ROBO2: variants seen among roughly 807,000 people sequenced by gnomAD.
ROBO2 encodes roundabout guidance receptor 2, also known as roundabout homolog 2.
A neutral mutation model predicts 160.8 loss-of-function variants in ROBO2; 53 were observed. The observed-to-expected ratio is 0.33, with a 90% CI of 0.26 to 0.41. ROBO2 has a LOEUF of 0.41. Ranked by LOEUF, ROBO2 falls within the 10% of genes least tolerant of loss-of-function variation. The pLI, the probability that ROBO2 is intolerant of heterozygous loss-of-function variation, is 1.00. For synonymous variants in ROBO2, 664 were observed against 611.7 expected (o/e 1.09, Z -1.26); for missense variants, 1,577 against 1,722.4 (o/e 0.92, Z 1.49).
chr3:76,711,402 C>T (rs555810534), intron 2 of ROBO2, among the ~76,000 whole-genome samples: 218 of 152,252 alleles, frequency 1.4e-3, no homozygotes, highest in African/African-American at 4.9e-3. Context: ...GGGATTACAA[C>T]GAAACGTGAG....
chr3:77,565,529 G>C (rs183824595), intron 12 of ROBO2, among the ~76,000 whole-genome samples: 1 of 151,992 alleles, frequency 6.6e-6, no homozygotes, highest in Non-Finnish European at 1.5e-5. Flanking sequence ...TAGTGCAGTC[G>C]TTCTCACAGT....
chr3:76,682,623 G>A (rs1349641662), intron 2 of ROBO2, among the ~76,000 whole-genome samples: 1 of 152,062 alleles, frequency 6.6e-6, no homozygotes, highest in Admixed American at 6.6e-5. Flanking sequence ...GGCCAGGCTG[G>A]TCTTGAACTC....
chr3:76,630,830 T>C (rs2089987445), intron 2 of ROBO2, among the ~76,000 whole-genome samples: 1 of 152,218 alleles, frequency 6.6e-6, no homozygotes, highest in Non-Finnish European at 1.5e-5. Flanking sequence ...CTATTATGTA[T>C]TTCTTAAACC....
At chr3:77,443,466 G>A (rs1376660518) in intron 2 of ROBO2, among the ~76,000 whole-genome samples, 1 of 151,988 alleles carries the variant, frequency 6.6e-6, no homozygotes, top group African/African-American at 2.4e-5. Context: ...TGCAGTTCTA[G>A]TATATTTTAT....
chr3:77,609,814 A>ATATG (rs1309133909), intron 21 of ROBO2, among the ~76,000 whole-genome samples: 88 of 147,626 alleles, frequency 6.0e-4, no homozygotes, highest in African/African-American at 2.1e-3. Context: ...ATATATATTT[A>ATATG]TATGTATGTA....
chr3:77,617,733 T>C, exon 22 of ROBO2: 1 of 1,613,792 alleles, frequency 6.2e-7, no homozygotes, highest in Middle Eastern at 1.7e-4. Context: ...CCTGGATGAG[T>C]TGACAAGAGC....
intron 13 of ROBO2, among the ~76,000 whole-genome samples, chr3:77,570,123 TA>T (rs1361702764): frequency 1.3e-5 from 2 of 151,962 alleles, no homozygotes; most frequent in Non-Finnish European, 2.9e-5. Context: ...CACAGCGTAG[TA>T]GTTTTCCTCA....
chr3:77,189,718 C>A (rs560996167), intron 2 of ROBO2, among the ~76,000 whole-genome samples: 12 of 151,822 alleles, frequency 7.9e-5, no homozygotes, highest in Non-Finnish European at 1.3e-4. Flanking sequence ...ATTTTAGAGG[C>A]AAAAACTATT....
chr3:76,620,263 C>T (rs888241223), intron 2 of ROBO2, among the ~76,000 whole-genome samples: 5 of 152,094 alleles, frequency 3.3e-5, no homozygotes, highest in African/African-American at 1.2e-4. Context: ...TCTCATGAAA[C>T]ATTAATGTAC....
At chr3:76,687,205 C>T (rs2092703692) in intron 2 of ROBO2, among the ~76,000 whole-genome samples, 1 of 152,012 alleles carries the variant, frequency 6.6e-6, no homozygotes, top group Non-Finnish European at 1.5e-5. Flanking sequence ...GCACAGAGGT[C>T]AATAATACAG....
chr3:77,474,194 T>C (rs1301120998), intron 2 of ROBO2, among the ~76,000 whole-genome samples: 1 of 152,174 alleles, frequency 6.6e-6, no homozygotes, highest in African/African-American at 2.4e-5. Context: ...TTCTTTAAGG[T>C]TATTGAATCC....
At chr3:76,555,421 GA>G (rs2083708878) in intron 2 of ROBO2, among the ~76,000 whole-genome samples, 1 of 71,012 alleles carries the variant, frequency 1.4e-5, no homozygotes, top group African/African-American at 4.3e-5. Flanking sequence ...GAAGAAGAAA[GA>G]AGGAGAAGGG....
At chr3:77,484,300 G>T (rs1390223338) in intron 4 of ROBO2, among the ~76,000 whole-genome samples, 11 of 151,982 alleles carry the variant, frequency 7.2e-5, no homozygotes. Context: ...TAGAGTTGAA[G>T]TAAATAATAC....
At chr3:76,214,410 T>C (rs1018580590) in intron 2 of ROBO2, among the ~76,000 whole-genome samples, 3 of 152,132 alleles carry the variant, frequency 2.0e-5, no homozygotes, top group Non-Finnish European at 4.4e-5. Flanking sequence ...TTCCCTTTCC[T>C]AGTGAAAGAA....
chr3:76,261,208 ATAT>A (rs1706738032), intron 2 of ROBO2, among the ~76,000 whole-genome samples: 1 of 100,456 alleles, frequency 1.0e-5, no homozygotes, highest in Non-Finnish European at 2.6e-5. Context: ...GTGTGTATAT[ATAT>A]ATATAAATGA....
chr3:75,937,842 T>TATATATAC (rs1491586076), intron 2 of ROBO2, among the ~76,000 whole-genome samples: 4 of 1,056 alleles, frequency 3.8e-3, no homozygotes, highest in Non-Finnish European at 0.019. Flanking sequence ...GAATTGATTT[T>TATATATAC]ATATATATAT....
In ROBO2 at chr3:76,799,465, T is replaced by C. The variant is rs547480786; in HGVS notation, c.110-298549T>C. Among the ~76,000 whole-genome samples, 268 of 151,470 alleles carry C rather than the reference T, an allele frequency of 1.8e-3. 3 individuals are homozygous for C. The highest frequency in any genetic ancestry group is 3.4e-3 in the Middle Eastern group (1 of 292). Reference sequence around the variant, plus strand: ...GCTTGCAGTTGATATGTTCTTATATTTAAAAAAACCTAAAGACTTCACAAA... The same window carrying C: ...GCTTGCAGTTGATATGTTCTTATATCTAAAAAAACCTAAAGACTTCACAAA... On this transcript the variant is annotated intron_variant, in intron 2 of 26. Transcript: ENST00000487694.
At chr3:76,898,466 A>C (rs926470787) in intron 2 of ROBO2, among the ~76,000 whole-genome samples, 3 of 152,116 alleles carry the variant, frequency 2.0e-5, no homozygotes, top group Non-Finnish European at 4.4e-5. Flanking sequence ...ATACACATAC[A>C]CATAAAATCT....
intron 2 of ROBO2, among the ~76,000 whole-genome samples, chr3:76,830,537 G>A (rs1353757598): frequency 6.6e-6 from 1 of 152,056 alleles, no homozygotes; most frequent in Non-Finnish European, 1.5e-5. Flanking sequence ...TATTTTTAGT[G>A]TTTTCCACAA....
Sources: gnomAD v4.1 joint callset for allele counts (sites outside exome capture counted in the v4.1 genomes callset) on GRCh38, gnomAD v4.1.1 for gene constraint, MANE v1.5 for transcripts, NCBI Gene and HGNC (gene_info 2026-07-23, HGNC 2026-07-21) for gene names.